ZBTB40: variants seen among roughly 807,000 people sequenced by gnomAD.
ZBTB40 encodes zinc finger and BTB domain containing 40, also known as zinc finger and BTB domain-containing protein 40.
Under a neutral mutation model 117.5 loss-of-function variants are expected in ZBTB40, and 60 were observed. The ratio of observed to expected loss-of-function variants is 0.51; its 90% confidence interval spans 0.41 to 0.63. The LOEUF (loss-of-function observed/expected upper bound fraction) is 0.63. Ranked by LOEUF, ZBTB40 falls within the 30% of genes least tolerant of loss-of-function variation. The probability of loss-of-function intolerance (pLI) is 0.00; values close to 1 mark genes in which losing one functional copy is unlikely to be tolerated. For synonymous variants in ZBTB40, 525 were observed against 577.1 expected (o/e 0.91, Z 1.29); for missense variants, 1,287 against 1,498.5 (o/e 0.86, Z 2.33).
chr1:22,431,384 G>GTGTGTATATATATATATATA (rs1222294324), intron 1 of ZBTB40, among the ~76,000 whole-genome samples: 12 of 119,692 alleles, frequency 1.0e-4, no homozygotes, highest in Admixed American at 3.9e-4. Flanking sequence ...GTGTGTGTGT[G>GTGTGTATATATATATATATA]TATATATATA....
intron 9 of ZBTB40, among the ~76,000 whole-genome samples, chr1:22,510,016 C>G (rs540353545): frequency 1.3e-5 from 2 of 152,332 alleles, no homozygotes; most frequent in East Asian, 1.9e-4. Context: ...ATAGATAAAA[C>G]AAAGCTTTTG....
chr1:22,451,480 GAA>G (rs1640867511), upstream of ZBTB40, among the ~76,000 whole-genome samples: 1 of 151,278 alleles, frequency 6.6e-6, no homozygotes. Flanking sequence ...ACTAAAAATA[GAA>G]GAGAAAAAAA....
intron 1 of ZBTB40, among the ~76,000 whole-genome samples, chr1:22,455,674 AG>A (rs1197071959): frequency 6.6e-6 from 1 of 152,168 alleles, no homozygotes; most frequent in Non-Finnish European, 1.5e-5. Context: ...CTAGCTTTGA[AG>A]GATAGTATGA....
At chr1:22,515,721 T>G (rs1639357611) in intron 12 of ZBTB40, among the ~76,000 whole-genome samples, 1 of 152,212 alleles carries the variant, frequency 6.6e-6, no homozygotes. Flanking sequence ...CCAGTCACAT[T>G]CACAAAGTCC....
chr1:22,512,219 A>G (rs1284202710), intron 11 of ZBTB40, 85 bp downstream of exon 11: 1 of 1,462,542 alleles, frequency 6.8e-7, no homozygotes, highest in Non-Finnish European at 9.5e-7. Context: ...AGTTGTGTGC[A>G]GTGAGGGCTG....
At chr1:22,447,439 C>G (rs1640802280), upstream of ZBTB40, among the ~76,000 whole-genome samples, 1 of 152,130 alleles carries the variant, frequency 6.6e-6, no homozygotes, top group South Asian at 2.1e-4. Flanking sequence ...TGACAATTCC[C>G]AGGTGTCTGA....
intron 1 of ZBTB40, among the ~76,000 whole-genome samples, chr1:22,473,682 C>T (rs1257011567): frequency 2.0e-5 from 3 of 152,176 alleles, no homozygotes; most frequent in Admixed American, 2.0e-4. Context: ...GCTCACTGAC[C>T]AGTTCCCTCA....
At chr1:22,505,942 G>T in intron 5 of ZBTB40, 107 bp from the exon 6 acceptor site, 1 of 1,118,954 alleles carries the variant, frequency 8.9e-7, no homozygotes, top group Non-Finnish European at 1.4e-6. Flanking sequence ...AAGAGGACTT[G>T]GAGATCAGGC....
intron 1 of ZBTB40, among the ~76,000 whole-genome samples, chr1:22,459,733 G>C (rs1261048425): frequency 1.3e-5 from 2 of 151,412 alleles, no homozygotes; most frequent in African/African-American, 2.4e-5. Context: ...GTTTCAAGAG[G>C]AGATGACTTG....
intron 3 of ZBTB40, among the ~76,000 whole-genome samples, chr1:22,493,989 T>C (rs1184874430): frequency 6.6e-6 from 1 of 152,100 alleles, no homozygotes; most frequent in African/African-American, 2.4e-5. Flanking sequence ...TCCTCGTTTG[T>C]AAAAAGGGGA....
intron 1 of ZBTB40, among the ~76,000 whole-genome samples, chr1:22,487,673 C>T (rs556958566): frequency 2.0e-5 from 3 of 152,158 alleles, no homozygotes; most frequent in East Asian, 3.9e-4. Context: ...TTCTCCTGAT[C>T]TCCTGCAATA....
In ZBTB40 at chr1:22,490,181, T is replaced by C. The variant is rs551375407; in HGVS notation, c.233T>C (p.Met78Thr). 1 of 1,614,192 alleles carries C rather than the reference T, an allele frequency of 6.2e-7. No homozygotes were observed. The highest frequency in any genetic ancestry group is 1.1e-5 in the South Asian group (1 of 91,086). The change falls in exon 2 of 18, where the codon ATG (methionine) becomes ACG (threonine). Residue 78 changes from methionine (M) to threonine (T), a missense_variant. Coordinates refer to ENST00000375647, the MANE Select transcript of ZBTB40 (RefSeq NM_014870.4). Reference protein sequence around the residue: ...PEEFALLLEMMYTGKLPVGKH... With the variant: ...PEEFALLLEMTYTGKLPVGKH... The stretch of plus-strand genomic sequence containing the variant: ...GAGTTTGCGCTCTTGTTGGAAATGA[T>C]GTACACGGGCAAACTACCTGTGGGC...
chr1:22,512,873 A>G (rs976809454), intron 11 of ZBTB40, 51 bp from the exon 12 acceptor site: 3 of 1,590,598 alleles, frequency 1.9e-6, no homozygotes, highest in Admixed American at 1.7e-5. Flanking sequence ...TAGATTCCTA[A>G]CACTGATTAG....
chr1:22,512,202 T>G, intron 11 of ZBTB40, 68 bp downstream of exon 11: 151 of 1,488,756 alleles, frequency 1.0e-4, no homozygotes, highest in Non-Finnish European at 1.3e-4. Flanking sequence ...TTTCAGGCCT[T>G]TCCCTTAGTT....
At chr1:22,462,975 T>C (rs938218675) in intron 1 of ZBTB40, among the ~76,000 whole-genome samples, 1 of 151,816 alleles carries the variant, frequency 6.6e-6, no homozygotes, top group African/African-American at 2.4e-5. Flanking sequence ...TGCTTCCTTT[T>C]CCAAAGGTAG....
chr1:22,529,995 C>T lies in ZBTB40; in HGVS notation c.*3599C>T, dbSNP rs1280684224. Reference sequence around the variant, plus strand: ...TCGTCTCTCACCTGGGGGCTGGTGACGTGGTCACCACAAGCTGAAGACAGG... The same window carrying T: ...TCGTCTCTCACCTGGGGGCTGGTGATGTGGTCACCACAAGCTGAAGACAGG... On this transcript the variant is annotated 3_prime_UTR_variant, in exon 18 of 18. Coordinates refer to ENST00000375647, the MANE Select transcript of ZBTB40 (RefSeq NM_014870.4). 2.0e-5 allele frequency: 3 copies of T among 151,480 alleles called. No homozygotes were observed. In the East Asian group the frequency reaches 5.9e-4, roughly 30 times the overall value. 9.4% of individuals were successfully genotyped at this position (151,480 alleles called of 1,614,324 possible). A position where few individuals can be genotyped will look rare whatever the true frequency, so the allele number is the denominator to read the frequency against.
rs544499245 is a variant in ZBTB40 at position 22,517,343 on chromosome 1, G to A, written c.2712G>A (p.Gln904=). 1.6e-5 allele frequency: 26 copies of A among 1,614,198 alleles called. No homozygotes were observed. In the East Asian group the frequency reaches 5.1e-4, roughly 32 times the overall value. The change falls in exon 13 of 18, where the codon CAG becomes CAA. Residue 904 remains glutamine, a synonymous_variant. Transcript: ENST00000375647. ...AGTACTGTGATGCTGTGTTTGCCCA[G>A]TCTATTGAGCTGTCCCGCCACGTGA... ...ACQYCDAVFA[Q]SIELSRHVRT... is the part of the protein sequence containing the mutation.
chr1:22,511,426 A>G (rs952666402), intron 10 of ZBTB40, 79 bp downstream of exon 10: 2 of 1,559,606 alleles, frequency 1.3e-6, no homozygotes, highest in Non-Finnish European at 1.7e-6. Context: ...AGCATTTCAT[A>G]TCATAGTTTA....
chr1:22,490,952 A>G lies in ZBTB40; in HGVS notation c.697+307A>G, dbSNP rs566024323. 7.2e-5 allele frequency among the ~76,000 whole-genome samples: 11 copies of G among 152,292 alleles called. No individual in the cohort carries two copies. The South Asian group carries it at 2.1e-3, about 29-fold the overall frequency. ...GTTCTGTTGCCCAGGCTGAAGTGCA[A>G]TGGCATGATCTCAGCTCACTGCAAC... On this transcript the variant is annotated intron_variant, in intron 2 of 17. Transcript: ENST00000375647.
Sources: allele counts gnomAD v4.1 joint callset (sites outside exome capture counted in the v4.1 genomes callset), GRCh38; gene constraint gnomAD v4.1.1; transcripts MANE v1.5; gene names NCBI Gene and HGNC (gene_info 2026-07-23, HGNC 2026-07-21).